The following CCPG1 variants were observed in gnomAD, a reference collection of about 807,000 sequenced individuals.
CCPG1 encodes the protein cell cycle progression 1, also known as cell cycle progression protein 1.
Under a neutral mutation model 81.3 loss-of-function variants are expected in CCPG1, and 46 were observed. That is an observed-to-expected ratio of 0.57 (90% CI 0.45 to 0.72). The LOEUF (loss-of-function observed/expected upper bound fraction) is 0.72. Ranked by LOEUF, CCPG1 falls within the 30% of genes least tolerant of loss-of-function variation. The pLI is 0.00. For missense variants in CCPG1, 902 were observed against 937.6 expected (o/e 0.96, Z 0.50); for synonymous variants, 330 against 305.2 (o/e 1.08, Z -0.85).
rs370562374 is a variant in CCPG1 at position 55,365,851 on chromosome 15, G to A, written c.707-542C>T. ...TCACGCCTGTAATCCCAGCACATTG[G>A]GAGGCCAAGGCAGGTAGATCATTTG... On this transcript the variant is annotated intron_variant, in intron 6 of 8. Transcript: ENST00000442196. 1.4e-4 allele frequency among the ~76,000 whole-genome samples: 22 copies of A among 151,928 alleles called. No individual in the cohort carries two copies. The East Asian group carries it at 3.3e-3, about 23-fold the overall frequency.
chr15:55,374,049 T>C, intron 5 of CCPG1: 1 of 520,636 alleles, frequency 1.9e-6, no homozygotes, highest in Non-Finnish European at 3.2e-6. Context: ...AACACCTGTT[T>C]AGAGTATTGC....
At chr15:55,357,014 C>T in intron 8 of CCPG1, 1 of 984,804 alleles carries the variant, frequency 1.0e-6, no homozygotes, top group Non-Finnish European at 1.2e-6. Context: ...TTCAAGGTAC[C>T]ACTCCCCACT....
chr15:55,381,047 G>A (rs1033985032), intron 3 of CCPG1, among the ~76,000 whole-genome samples: 1 of 152,020 alleles, frequency 6.6e-6, no homozygotes, highest in Non-Finnish European at 1.5e-5. Flanking sequence ...TGAGGCAGGA[G>A]AATGGCGTGA....
intron 6 of CCPG1, among the ~76,000 whole-genome samples, chr15:55,370,750 G>A (rs1195543801): frequency 3.3e-5 from 5 of 151,888 alleles, no homozygotes; most frequent in Non-Finnish European, 7.4e-5. Flanking sequence ...GGTGGCAGGC[G>A]CCTGTAGTCC....
At chr15:55,406,496 G>C (rs1177165113) in intron 1 of CCPG1, among the ~76,000 whole-genome samples, 1 of 137,394 alleles carries the variant, frequency 7.3e-6, no homozygotes, top group Non-Finnish European at 1.5e-5. Context: ...CTGTCACCCA[G>C]GTTGGAGTGC....
intron 1 of CCPG1, among the ~76,000 whole-genome samples, chr15:55,391,339 G>A (rs2056910070): frequency 6.6e-6 from 1 of 152,164 alleles, no homozygotes; most frequent in Non-Finnish European, 1.5e-5. Flanking sequence ...TGGTCTGGAA[G>A]GCCTGGCCTC....
At chr15:55,385,778 C>T (rs2056787045) in intron 2 of CCPG1, 64 bp from the exon 3 acceptor site, 2 of 803,230 alleles carry the variant, frequency 2.5e-6, no homozygotes, top group East Asian at 2.6e-5. Context: ...GATTTGACTA[C>T]ATGTAAATGC....
chr15:55,362,373 C>T (rs1376243273), intron 7 of CCPG1, among the ~76,000 whole-genome samples: 1 of 149,514 alleles, frequency 6.7e-6, no homozygotes, highest in Non-Finnish European at 1.5e-5. Context: ...AAGAGAATGA[C>T]ACTAATATAC....
Position 55,371,988 on chromosome 15 carries a change from G to A in CCPG1, c.511C>T (p.Pro171Ser), listed in dbSNP as rs2056459093. Residue 171 changes from proline (P) to serine (S), a missense_variant, in exon 6 of 9, where the codon CCC (proline) becomes TCC (serine). Coordinates refer to ENST00000442196, the MANE Select transcript of CCPG1 (RefSeq NM_001204450.2). ...CGGCGTCGTCTAAAGGCAGGACTGG[G>A]CTGATTACTGGTTTCATCACTACTT... is the stretch of plus-strand genomic sequence containing the variant. ...ESSSDETSNQ[P>S]SPAFRRRRAR... 6.2e-7 allele frequency: 1 copy of A among 1,613,848 alleles called. No individual in the cohort carries two copies. Among genetic ancestry groups the A allele is most frequent in the Non-Finnish European group, 8.5e-7 (1 of 1,179,842 alleles).
At position 55,370,749 on chromosome 15, in the gene CCPG1, C is replaced by T. The variant is rs906749894; in HGVS notation, c.706+1044G>A. Among the ~76,000 whole-genome samples the T allele has an allele frequency of 9.9e-5, 15 of 151,952 alleles. No homozygotes were observed. In the South Asian group the frequency reaches 2.3e-3, roughly 23 times the overall value. ...AAAATTAGCTGGGCGTGGTGGCAGG[C>T]GCCTGTAGTCCCAGCTACTCAGGAG... On this transcript the variant is annotated intron_variant, in intron 6 of 8. Transcript: ENST00000442196.
chr15:55,390,353 G>GC (rs1321166386), intron 1 of CCPG1, among the ~76,000 whole-genome samples: 2 of 152,172 alleles, frequency 1.3e-5, no homozygotes. Context: ...CAAGCCCTAA[G>GC]CCAGCATACA....
chr15:55,357,295 C>T (rs568725103), intron 8 of CCPG1: 7 of 983,952 alleles, frequency 7.1e-6, no homozygotes, highest in Non-Finnish European at 8.4e-6. Flanking sequence ...TTCTCCTTCA[C>T]AAGAAATATC....
At chr15:55,385,773 G>T in intron 2 of CCPG1, 59 bp from the exon 3 acceptor site, 1 of 857,748 alleles carries the variant, frequency 1.2e-6, no homozygotes, top group South Asian at 1.4e-5. Flanking sequence ...AGCTAGATTT[G>T]ACTACATGTA....
rs1221140712 is a variant in CCPG1, at chr15:55,359,923, T to C, written c.1850A>G (p.Asp617Gly). 5 of 1,613,640 alleles carry C rather than the reference T, an allele frequency of 3.1e-6. No homozygotes were observed. Among genetic ancestry groups the C allele is most frequent in the Non-Finnish European group, 4.2e-6 (5 of 1,179,976 alleles). ...GAAAGAATGAGAATTTTCTCTACAA[T>C]CATGCCCAGGACTGCATTTCTTTGA... ...TNSKKCSPGH[D>G]CRENSHSFRK... The change falls in exon 8 of 9, where the codon GAT becomes GGT. Residue 617 changes from aspartate (D) to glycine (G), a missense_variant. By Grantham distance (94) the Asp-to-Gly change is moderately conservative. Around this residue, in one of 3 missense-constraint regions of CCPG1, gnomAD observed 746 missense variants for 728.6 expected, o/e 1.02. Transcript: ENST00000442196.
In CCPG1 at chr15:55,395,466, T is replaced by C. The variant is rs1302231137; in HGVS notation, c.-9-6033A>G. Among the ~76,000 whole-genome samples the C allele has an allele frequency of 2.6e-5, 4 of 152,178 alleles. No individual in the cohort carries two copies. The East Asian group carries it at 7.7e-4, about 29-fold the overall frequency. ...CAAGATAATGCCCCAAAGCCTTGAA[T>C]ATCAAGTATTTTATCTCTAGCTCTC... On this transcript the variant is annotated intron_variant, in intron 1 of 8. Coordinates refer to ENST00000442196, the MANE Select transcript of CCPG1 (RefSeq NM_001204450.2).
intron 6 of CCPG1, among the ~76,000 whole-genome samples, chr15:55,369,782 C>A (rs956879492): frequency 4.6e-5 from 7 of 152,098 alleles, no homozygotes; most frequent in African/African-American, 1.7e-4. Flanking sequence ...ATTTTGAAAG[C>A]ACTTCTGTAA....
intron 1 of CCPG1, among the ~76,000 whole-genome samples, chr15:55,391,730 C>T (rs1290093659): frequency 6.6e-6 from 1 of 151,890 alleles, no homozygotes; most frequent in African/African-American, 2.4e-5. Context: ...TGGAGAGTGC[C>T]TATTAATCCC....
At chr15:55,359,197 A>G in intron 8 of CCPG1, 1 of 997,304 alleles carries the variant, frequency 1.0e-6, no homozygotes, top group Non-Finnish European at 1.2e-6. Context: ...ATAAAAGATT[A>G]AAGGAAAATA....
At chr15:55,358,292 T>G (rs2056123233) in intron 8 of CCPG1, 1 of 761,296 alleles carries the variant, frequency 1.3e-6, no homozygotes, top group Admixed American at 6.3e-5. Flanking sequence ...ATATATAGAA[T>G]TATGTTCTAT....
Sources: gnomAD v4.1 joint callset for allele counts (sites outside exome capture counted in the v4.1 genomes callset) on GRCh38, gnomAD v4.1.1 for gene constraint, gnomAD v4.1.1 regional missense constraint, MANE v1.5 for transcripts, NCBI Gene and HGNC (gene_info 2026-07-23, HGNC 2026-07-21) for gene names.